Variants in GPC6 observed in about 807,000 individuals in gnomAD.
The protein encoded by GPC6 is glypican 6, also known as glypican-6.
Under a neutral mutation model 55.2 loss-of-function variants are expected in GPC6, and 14 were observed. The ratio of observed to expected loss-of-function variants is 0.25; its 90% CI spans 0.17 to 0.40. GPC6 has a LOEUF of 0.40. Among genes scored for constraint, GPC6 ranks in the 10% least tolerant of loss-of-function variants. The pLI is 1.00. For missense variants in GPC6, 641 were observed against 708.5 expected, an observed-to-expected ratio of 0.90 and a Z score of 1.08; for synonymous variants, 278 against 259.6, an observed-to-expected ratio of 1.07 and a Z score of -0.68.
intron 1 of GPC6, among the ~76,000 whole-genome samples, chr13:93,472,178 A>C (rs1241275022): frequency 6.6e-6 from 1 of 152,040 alleles, no homozygotes. Flanking sequence ...TATGCTGAGT[A>C]ATTTTTTATA....
At position 94,049,503 on chromosome 13, in the gene GPC6, T is replaced by A. The variant is rs989160850; in HGVS notation, c.877+21609T>A. On this transcript the variant is annotated intron_variant, in intron 4 of 8. Transcript: ENST00000377047. ...GACTGTGAAATCAGAAGACATGAGA[T>A]CTGCTTTCTAAGACCTCCTCACTGT... Among the ~76,000 whole-genome samples, 35 of 152,212 alleles carry A rather than the reference T, an allele frequency of 2.3e-4. No individual in the cohort carries two copies. In the East Asian group the frequency reaches 2.3e-3, roughly 10 times the overall value.
intron 1 of GPC6, among the ~76,000 whole-genome samples, chr13:93,304,929 C>T (rs1878805815): frequency 6.6e-6 from 1 of 152,172 alleles, no homozygotes; most frequent in Non-Finnish European, 1.5e-5. Context: ...TACCTTTGTG[C>T]TGGCAGAGAA....
chr13:93,595,549 A>G (rs2139514475), intron 2 of GPC6, among the ~76,000 whole-genome samples: 1 of 152,350 alleles, frequency 6.6e-6, no homozygotes, highest in Non-Finnish European at 1.5e-5. Flanking sequence ...TTTGTACTGA[A>G]TAACTATTTC....
chr13:93,758,434 GTC>G (rs1385268140), intron 2 of GPC6, among the ~76,000 whole-genome samples: 2 of 152,040 alleles, frequency 1.3e-5, no homozygotes, highest in Non-Finnish European at 2.9e-5. Flanking sequence ...CTCTCTCCCT[GTC>G]TCTCTGTCTC....
intron 5 of GPC6, among the ~76,000 whole-genome samples, chr13:94,304,251 C>T (rs538744012): frequency 1.3e-5 from 2 of 152,290 alleles, no homozygotes; most frequent in East Asian, 3.9e-4. Flanking sequence ...AAAGTACCGC[C>T]GCTCTGCAAA....
At chr13:93,706,092 T>C (rs1232666699) in intron 2 of GPC6, among the ~76,000 whole-genome samples, 1 of 151,832 alleles carries the variant, frequency 6.6e-6, no homozygotes, top group Non-Finnish European at 1.5e-5. Flanking sequence ...AAAAGGTATC[T>C]ACAAGGATTT....
At chr13:93,814,039 TG>T (rs1285052807) in intron 2 of GPC6, among the ~76,000 whole-genome samples, 1 of 152,150 alleles carries the variant, frequency 6.6e-6, no homozygotes, top group Non-Finnish European at 1.5e-5. Flanking sequence ...TAACTGCTTT[TG>T]GTTTTTCTTT....
intron 1 of GPC6, among the ~76,000 whole-genome samples, chr13:93,256,762 T>G (rs555505066): frequency 6.6e-6 from 1 of 152,298 alleles, no homozygotes; most frequent in African/African-American, 2.4e-5. Flanking sequence ...TAGATTGATT[T>G]TTATGGAGCA....
chr13:94,155,240 C>A (rs1165286119), intron 4 of GPC6, among the ~76,000 whole-genome samples: 2 of 152,110 alleles, frequency 1.3e-5, no homozygotes, highest in African/African-American at 4.8e-5. Context: ...CAACCTGCTC[C>A]TCCTTCTTTT....
At chr13:93,509,852 A>T (rs2139382689) in intron 1 of GPC6, among the ~76,000 whole-genome samples, 1 of 152,300 alleles carries the variant, frequency 6.6e-6, no homozygotes, top group South Asian at 2.1e-4. Context: ...TTTGTTATTC[A>T]TTTTTGTTTT....
chr13:93,563,883 A>C (rs1425079538), intron 2 of GPC6, among the ~76,000 whole-genome samples: 3 of 151,962 alleles, frequency 2.0e-5, no homozygotes, highest in Admixed American at 1.3e-4. Context: ...CTAATGTATA[A>C]TTTTTTTTAT....
At chr13:93,728,195 T>G (rs925358670) in intron 2 of GPC6, among the ~76,000 whole-genome samples, 1 of 114,288 alleles carries the variant, frequency 8.7e-6, no homozygotes, top group African/African-American at 3.1e-5. Flanking sequence ...TTTCAAGTTA[T>G]CTTTTTGGTT....
chr13:93,777,929 A>C (rs1048129465), intron 2 of GPC6, among the ~76,000 whole-genome samples: 8 of 152,190 alleles, frequency 5.3e-5, no homozygotes, highest in Non-Finnish European at 8.8e-5. Context: ...GCAAGTTATC[A>C]AGTCCACCGG....
rs796168883 is a variant in GPC6, at chr13:93,917,403, C to CA, written c.711+86865dup. Among the ~76,000 whole-genome samples the CA allele has an allele frequency of 3.3e-5, 5 of 151,846 alleles. No homozygotes were observed. In the East Asian group the frequency reaches 5.8e-4, roughly 18 times the overall value. ...TTCAAGTTTCAAATCCTGCCACACA[C>CA]AAAAAAACATTGTATGGAGTTCTAT... On this transcript the variant is annotated intron_variant, in intron 3 of 8. Coordinates refer to ENST00000377047, the MANE Select transcript of GPC6 (RefSeq NM_005708.5).
intron 1 of GPC6, among the ~76,000 whole-genome samples, chr13:93,487,917 T>C (rs1421484440): frequency 6.6e-6 from 1 of 152,174 alleles, no homozygotes; most frequent in Non-Finnish European, 1.5e-5. Flanking sequence ...CATTTACAAG[T>C]TAAACAATAA....
At chr13:94,180,686 C>G (rs1888959212) in intron 4 of GPC6, among the ~76,000 whole-genome samples, 1 of 152,036 alleles carries the variant, frequency 6.6e-6, no homozygotes, top group Non-Finnish European at 1.5e-5. Flanking sequence ...ATACATTTCT[C>G]CTTCAAAATA....
rs1884509882 is a variant in GPC6 at position 94,066,201 on chromosome 13, A to G, written c.877+38307A>G. ...TATTTTATACCCATTGTAGATATTCATGGTCTAATCTTGTAATTATGTTTT... is the reference window on the plus strand; with the variant it reads ...TATTTTATACCCATTGTAGATATTCGTGGTCTAATCTTGTAATTATGTTTT... On this transcript the variant is annotated intron_variant, in intron 4 of 8. Coordinates refer to ENST00000377047, the MANE Select transcript of GPC6 (RefSeq NM_005708.5). 2.6e-5 allele frequency among the ~76,000 whole-genome samples: 4 copies of G among 152,152 alleles called. No homozygotes were observed. In the South Asian group the frequency reaches 8.3e-4, roughly 32 times the overall value.
intron 1 of GPC6, among the ~76,000 whole-genome samples, chr13:93,263,452 C>T (rs1877218300): frequency 1.3e-5 from 2 of 152,060 alleles, no homozygotes; most frequent in Non-Finnish European, 2.9e-5. Context: ...GCAACCTCTG[C>T]CTCGTGGGTT....
chr13:94,361,969 T>TA (rs1460893846), intron 6 of GPC6, among the ~76,000 whole-genome samples: 4 of 152,224 alleles, frequency 2.6e-5, no homozygotes, highest in East Asian at 3.8e-4. Flanking sequence ...GTACCTATTA[T>TA]AAAAAATCCT....
Sources: allele counts gnomAD v4.1 joint callset (sites outside exome capture counted in the v4.1 genomes callset), GRCh38; gene constraint gnomAD v4.1.1; transcripts MANE v1.5; gene names NCBI Gene and HGNC (gene_info 2026-07-23, HGNC 2026-07-21).